PCNX2: variants seen among roughly 807,000 people sequenced by gnomAD.
PCNX2 encodes pecanex-like protein 2.
In PCNX2, 168 loss-of-function variants were observed where a neutral mutation model predicts 223.8. That is an observed-to-expected ratio of 0.75 (90% CI 0.66 to 0.85). PCNX2 has a LOEUF of 0.85. Among genes scored for constraint, PCNX2 ranks in the 40% least tolerant of loss-of-function variants. The pLI is 0.00. For missense variants in PCNX2, 2,507 were observed against 2,675.5 expected, an observed-to-expected ratio of 0.94 and a Z score of 1.39; for synonymous variants, 1,006 against 1,052.6, an observed-to-expected ratio of 0.96 and a Z score of 0.86.
the PCNX2 span, among the ~76,000 whole-genome samples, chr1:233,308,573 T>C: frequency 2.0e-5 from 3 of 152,140 alleles, no homozygotes; most frequent in South Asian, 2.1e-4. Flanking sequence ...TATAAAGATA[T>C]TTAGTGGTAT....
Position 233,001,553 on chromosome 1 carries a change from G to A in PCNX2, c.5081C>T (p.Ser1694Phe). 1 of 1,446,436 alleles carries A rather than the reference G, an allele frequency of 6.9e-7. No individual in the cohort carries two copies. The highest frequency in any genetic ancestry group is 9.2e-7 in the Non-Finnish European group (1 of 1,087,380). The allele number at this position is 1,446,436 out of a possible 1,614,324, so 89.6% of individuals were successfully genotyped here. ...HKVVAPAIRMSLKLHQDQFTC... is the reference protein window; with the variant it reads ...HKVVAPAIRMFLKLHQDQFTC... ...GGTTTTTACCTGGTGAAGTTTCAGG[G>A]ACATCCTGATAGCTGGAGCTACAAC... The change falls in exon 29 of 34, where the codon TCC (serine) becomes TTC (phenylalanine). Residue 1694 changes from serine to phenylalanine, a missense_variant. Coordinates refer to ENST00000258229, the MANE Select transcript of PCNX2 (RefSeq NM_014801.4). The surrounding 1 kb of genome is among the most constrained non-coding windows in gnomAD (Gnocchi z 4.2).
chr1:233,166,188 T>C (rs919250156), intron 17 of PCNX2, among the ~76,000 whole-genome samples: 3 of 149,798 alleles, frequency 2.0e-5, no homozygotes, highest in African/African-American at 7.3e-5. Flanking sequence ...TAAAAATAAA[T>C]AAATAAATAA....
intron 21 of PCNX2, among the ~76,000 whole-genome samples, chr1:233,120,019 T>C (rs1371811818): frequency 3.3e-5 from 5 of 151,212 alleles, no homozygotes; most frequent in Non-Finnish European, 7.4e-5. Flanking sequence ...ATACAAAAAT[T>C]AGCCAGGCGT....
chr1:233,032,055 G>T, intron 25 of PCNX2: 1 of 977,250 alleles, frequency 1.0e-6, no homozygotes. Flanking sequence ...AATTTAGGAA[G>T]AAATTCTCTT....
intron 24 of PCNX2, among the ~76,000 whole-genome samples, chr1:233,056,355 C>T (rs1376355394): frequency 6.6e-6 from 1 of 152,230 alleles, no homozygotes; most frequent in Non-Finnish European, 1.5e-5. Context: ...TTTTAGAACA[C>T]ATTGACCACA....
chr1:233,292,037 C>T (rs569876139), intron 1 of PCNX2: 13 of 967,230 alleles, frequency 1.3e-5, no homozygotes, highest in Non-Finnish European at 1.5e-5. Context: ...TTTATAAATG[C>T]TAATTAATCA....
chr1:233,216,439 T>G (rs1321395709), intron 12 of PCNX2, among the ~76,000 whole-genome samples: 1 of 152,160 alleles, frequency 6.6e-6, no homozygotes, highest in African/African-American at 2.4e-5. Context: ...AGAGATTAGC[T>G]TCATGTAAAA....
At chr1:233,044,514 C>T (rs1363663908) in intron 25 of PCNX2, among the ~76,000 whole-genome samples, 5 of 152,072 alleles carry the variant, frequency 3.3e-5, no homozygotes, top group Non-Finnish European at 7.4e-5. Flanking sequence ...ACAGGCTCCC[C>T]GTTTAGGTAG....
At chr1:233,155,412 C>T (rs560060447) in intron 19 of PCNX2, among the ~76,000 whole-genome samples, 60 of 152,280 alleles carry the variant, frequency 3.9e-4, no homozygotes, top group Admixed American at 1.2e-3. Context: ...GTCATTCCTA[C>T]GTCACTGGTT....
intron 25 of PCNX2, among the ~76,000 whole-genome samples, chr1:233,036,830 A>G (rs1671473670): frequency 6.6e-6 from 1 of 152,184 alleles, no homozygotes; most frequent in South Asian, 2.1e-4. Flanking sequence ...GAGAGGTAAA[A>G]ATGATTTTAT....
chr1:233,275,798 G>A (rs1006347779), intron 1 of PCNX2, among the ~76,000 whole-genome samples: 34 of 151,918 alleles, frequency 2.2e-4, no homozygotes, highest in Non-Finnish European at 2.8e-4. Flanking sequence ...TTGTGAGGCC[G>A]AGGTGGGCGG....
chr1:233,233,930 T>C (rs949583793), intron 9 of PCNX2, among the ~76,000 whole-genome samples: 2 of 152,144 alleles, frequency 1.3e-5, no homozygotes, highest in Non-Finnish European at 2.9e-5. Flanking sequence ...TTTTATTTGG[T>C]TAACTCCAAC....
chr1:233,087,330 T>C (rs543067225), intron 23 of PCNX2, among the ~76,000 whole-genome samples: 2 of 152,242 alleles, frequency 1.3e-5, no homozygotes, highest in Admixed American at 6.5e-5. Flanking sequence ...CCCAGCCTGG[T>C]GGCGGCAGTT....
intron 1 of PCNX2, among the ~76,000 whole-genome samples, chr1:233,268,082 T>C (rs1308615217): frequency 6.6e-6 from 1 of 152,142 alleles, no homozygotes. Context: ...CAGCTAATTT[T>C]TGTATTTTTA....
At chr1:233,112,904 A>T (rs1236989983) in intron 21 of PCNX2, 1 of 1,289,312 alleles carries the variant, frequency 7.8e-7, no homozygotes, top group South Asian at 1.2e-5. Flanking sequence ...CCATGAGATG[A>T]ACTGCAGTAA....
At chr1:233,248,556 A>G (rs548482489) in intron 8 of PCNX2, among the ~76,000 whole-genome samples, 5 of 152,134 alleles carry the variant, frequency 3.3e-5, no homozygotes, top group African/African-American at 1.2e-4. Context: ...GAGCGATGGA[A>G]ATGGCAAAAC....
Sources: gnomAD v4.1 joint callset for allele counts (sites outside exome capture counted in the v4.1 genomes callset) on GRCh38, gnomAD v4.1.1 for gene constraint, Gnocchi (gnomAD v3.1) non-coding constraint, MANE v1.5 for transcripts, NCBI Gene and HGNC (gene_info 2026-07-23, HGNC 2026-07-21) for gene names.